NSD2: variants seen among roughly 807,000 people sequenced by gnomAD.
The protein encoded by NSD2 is histone-lysine N-methyltransferase NSD2.
NSD2 carries 12 observed loss-of-function variants against 139.0 expected under a neutral mutation model. The ratio of observed to expected loss-of-function variants is 0.09; its 90% confidence interval spans 0.06 to 0.14. NSD2 has a LOEUF of 0.14. Among genes scored for constraint, NSD2 ranks in the 10% least tolerant of loss-of-function variants. NSD2 has a pLI of 1.00. For synonymous variants in NSD2, 669 were observed against 648.7 expected (o/e 1.03, Z -0.48); for missense variants, 1,155 against 1,745.0 (o/e 0.66, Z 6.02).
chr4:1,872,403 G>C (rs1309196590), intron 1 of NSD2, among the ~76,000 whole-genome samples: 1 of 152,186 alleles, frequency 6.6e-6, no homozygotes, highest in Non-Finnish European at 1.5e-5. Flanking sequence ...AAAAATGCTG[G>C]TCTTAAGTTT....
chr4:1,910,677 C>T (rs2108778806), intron 3 of NSD2, among the ~76,000 whole-genome samples: 1 of 152,288 alleles, frequency 6.6e-6, no homozygotes, highest in East Asian at 1.9e-4. Flanking sequence ...ATCTGGCTTT[C>T]TCGTGTCTTG....
At chr4:1,977,701 G>A (rs1161009779) in intron 21 of NSD2, among the ~76,000 whole-genome samples, 2 of 151,794 alleles carry the variant, frequency 1.3e-5, no homozygotes, top group Non-Finnish European at 2.9e-5. Flanking sequence ...GCTTGAACCC[G>A]GGAGGCGGAG....
In NSD2 at chr4:1,940,495, G is replaced by A. The variant is rs569689488; in HGVS notation, c.1881+717G>A. 208 of 1,064,304 alleles carry A rather than the reference G, an allele frequency of 2.0e-4. No individual in the cohort carries two copies. In the African/African-American group the frequency reaches 3.1e-3, roughly 16 times the overall value. The allele number at this position is 1,064,304 out of a possible 1,614,324, so 65.9% of individuals were successfully genotyped here. ...CAAAAACAACAAATAGCCACAGAAC[G>A]TAGGTGTGACACTTTTTTGTTCGGA... On this transcript the variant is annotated intron_variant, in intron 9 of 21. Transcript: ENST00000508803.
At chr4:1,933,683 C>T (rs531486990) in intron 6 of NSD2, among the ~76,000 whole-genome samples, 59 of 152,112 alleles carry the variant, frequency 3.9e-4, no homozygotes, top group Non-Finnish European at 7.5e-4. Context: ...TGTGAGCCAC[C>T]GCGCCCGGCC....
chr4:1,946,286 C>CA (rs1308443195), intron 9 of NSD2: 7 of 895,032 alleles, frequency 7.8e-6, no homozygotes, highest in Admixed American at 6.0e-5. Flanking sequence ...TATTTAGAGA[C>CA]AGAGTCTCAC....
rs970898781 is a variant in NSD2 at position 1,930,884 on chromosome 4, C to T, written c.1555+114C>T. On this transcript the variant is annotated intron_variant, in intron 6 of 21. Coordinates refer to ENST00000508803, the MANE Select transcript of NSD2 (RefSeq NM_001042424.3). Reference sequence around the variant, plus strand: ...TGTGTCCACTCTCCCTGTTTCTGACCCGTGGGGTTTGGGCCAGCGGTCCAA... The same window carrying T: ...TGTGTCCACTCTCCCTGTTTCTGACTCGTGGGGTTTGGGCCAGCGGTCCAA... 89 of 1,384,140 alleles carry T rather than the reference C, an allele frequency of 6.4e-5. No individual in the cohort carries two copies. The South Asian group carries it at 1.2e-3, about 19-fold the overall frequency. 85.7% of individuals were successfully genotyped at this position (1,384,140 alleles called of 1,614,324 possible).
chr4:1,948,536 T>C lies in NSD2; in HGVS notation c.1882-2536T>C. ...TCCTCCCCGACTGTGGCTAGTTGTCTGTCCGGTGGCTGGGAGGGGGTGTGG... is the reference window on the plus strand; with the variant it reads ...TCCTCCCCGACTGTGGCTAGTTGTCCGTCCGGTGGCTGGGAGGGGGTGTGG... On this transcript the variant is annotated intron_variant, in intron 9 of 21. Transcript: ENST00000508803. This position sits in a 1 kb window ranked among gnomAD's most constrained non-coding sequence, Gnocchi z 4.5. 1 of 1,064,492 alleles carries C rather than the reference T, an allele frequency of 9.4e-7. No homozygotes were observed. Among genetic ancestry groups the C allele is most frequent in the Non-Finnish European group, 1.1e-6 (1 of 877,858 alleles). 65.9% of individuals were successfully genotyped at this position (1,064,492 alleles called of 1,614,324 possible).
chr4:1,967,597 T>C (rs938576099), intron 18 of NSD2, among the ~76,000 whole-genome samples: 3 of 151,896 alleles, frequency 2.0e-5, no homozygotes, highest in African/African-American at 7.3e-5. Context: ...AAAAAAGATA[T>C]TTCCAACTTA....
At chr4:1,881,145 C>T (rs1015694728) in intron 1 of NSD2, among the ~76,000 whole-genome samples, 1 of 152,004 alleles carries the variant, frequency 6.6e-6, no homozygotes, top group South Asian at 2.1e-4. Flanking sequence ...TGGGTTCTAA[C>T]TTTTTTTTGA....
intron 6 of NSD2, 117 bp downstream of exon 6, chr4:1,930,887 T>TG: frequency 7.4e-7 from 1 of 1,355,200 alleles, no homozygotes; most frequent in Non-Finnish European, 9.8e-7. Flanking sequence ...TTCTGACCCG[T>TG]GGGGTTTGGG....
At chr4:1,937,395 C>T (rs1722529240) in intron 7 of NSD2, among the ~76,000 whole-genome samples, 1 of 152,114 alleles carries the variant, frequency 6.6e-6, no homozygotes, top group African/African-American at 2.4e-5. Flanking sequence ...GGCAATCATA[C>T]TGAAACTGGT....
intron 5 of NSD2, among the ~76,000 whole-genome samples, chr4:1,929,852 G>T (rs768992336): frequency 6.6e-6 from 1 of 152,094 alleles, no homozygotes; most frequent in Non-Finnish European, 1.5e-5. Flanking sequence ...AGACCCGGTG[G>T]GTTGGGTTGA....
chr4:1,878,251 AT>A (rs71589624), intron 1 of NSD2, among the ~76,000 whole-genome samples: 171 of 29,088 alleles, frequency 5.9e-3, no homozygotes, highest in South Asian at 0.019. Context: ...ATATATATAT[AT>A]TTTTTTTTTT....
At chr4:1,953,062 C>T (rs938021761) in intron 11 of NSD2, 55 of 1,457,694 alleles carry the variant, frequency 3.8e-5, no homozygotes, top group Non-Finnish European at 4.8e-5. Context: ...TTAGACTGGG[C>T]CTCCCCAGCC....
chr4:1,961,329 G>A (rs17132100), intron 18 of NSD2, among the ~76,000 whole-genome samples, 178 bp downstream of exon 18: 264 of 152,144 alleles, frequency 1.7e-3, no homozygotes, highest in Middle Eastern at 6.8e-3. Context: ...TGCGCCGGAG[G>A]GCTAGAGCTA....
chr4:1,878,515 T>C (rs572164850), intron 1 of NSD2, among the ~76,000 whole-genome samples: 39 of 152,170 alleles, frequency 2.6e-4, no homozygotes, highest in African/African-American at 9.2e-4. Flanking sequence ...CTGGCTGCAT[T>C]GGGTCATCTG....
At position 1,942,462 on chromosome 4, in the gene NSD2, ATT is replaced by A; in HGVS notation, c.1881+2686_1881+2687del. ...CGTATCATCGTACACACTCAGTGAC[ATT>A]TCTATCACAATCATTTTATGGAAGA... On this transcript the variant is annotated intron_variant, in intron 9 of 21. Coordinates refer to ENST00000508803, the MANE Select transcript of NSD2 (RefSeq NM_001042424.3). The surrounding 1 kb of genome is among the most constrained non-coding windows in gnomAD (Gnocchi z 4.0). 1 of 1,555,206 alleles carries A rather than the reference ATT, an allele frequency of 6.4e-7. No homozygotes were observed. The highest frequency in any genetic ancestry group is 8.7e-7 in the Non-Finnish European group (1 of 1,150,308).
intron 3 of NSD2, among the ~76,000 whole-genome samples, chr4:1,915,524 G>A (rs889055250): frequency 6.6e-6 from 1 of 152,088 alleles, no homozygotes; most frequent in African/African-American, 2.4e-5. Flanking sequence ...CTCTTCCCTT[G>A]CCTTATGTCT....
chr4:1,919,425 T>G (rs756217385), intron 5 of NSD2, among the ~76,000 whole-genome samples: 2 of 152,220 alleles, frequency 1.3e-5, no homozygotes, highest in African/African-American at 4.8e-5. Context: ...ATTTTCTTAA[T>G]TGTTTGCATA....
Sources: allele counts gnomAD v4.1 joint callset (sites outside exome capture counted in the v4.1 genomes callset), GRCh38; gene constraint gnomAD v4.1.1; non-coding constraint Gnocchi (gnomAD v3.1); transcripts MANE v1.5; gene names NCBI Gene and HGNC (gene_info 2026-07-23, HGNC 2026-07-21).